ASIC2: variants seen among roughly 807,000 people sequenced by gnomAD.
ASIC2 encodes the protein acid sensing ion channel subunit 2.
A neutral mutation model predicts 57.3 loss-of-function variants in ASIC2; 25 were observed. That is an observed-to-expected ratio of 0.44 (90% CI 0.32 to 0.61). The LOEUF (loss-of-function observed/expected upper bound fraction) is 0.61. Ranked by LOEUF, ASIC2 falls within the 20% of genes least tolerant of loss-of-function variation. The probability of loss-of-function intolerance (pLI) is 0.06; values close to 1 mark genes in which losing one functional copy is unlikely to be tolerated. For synonymous variants in ASIC2, 319 were observed against 307.5 expected, an observed-to-expected ratio of 1.04 and a Z score of -0.39; for missense variants, 641 against 738.1, an observed-to-expected ratio of 0.87 and a Z score of 1.52.
chr17:33,506,904 C>T (rs997653839), intron 1 of ASIC2, among the ~76,000 whole-genome samples: 1 of 152,188 alleles, frequency 6.6e-6, no homozygotes. Context: ...GCCCAGCACA[C>T]CAGCTGGACT....
intron 1 of ASIC2, among the ~76,000 whole-genome samples, chr17:33,113,697 A>G (rs1415986196): frequency 6.6e-6 from 1 of 152,250 alleles, no homozygotes; most frequent in East Asian, 1.9e-4. Context: ...GAACTGTGCT[A>G]GATGCTTATC....
intron 1 of ASIC2, among the ~76,000 whole-genome samples, chr17:33,583,584 C>T (rs1049829744): frequency 2.0e-5 from 3 of 152,154 alleles, no homozygotes; most frequent in South Asian, 4.2e-4. Flanking sequence ...AGCATCAGGA[C>T]CCAAACTCCA....
intron 1 of ASIC2, among the ~76,000 whole-genome samples, chr17:33,545,122 C>G (rs1236506583): frequency 6.6e-6 from 1 of 152,148 alleles, no homozygotes; most frequent in African/African-American, 2.4e-5. Flanking sequence ...ATATTTGTTG[C>G]CTTAAAGATA....
intron 1 of ASIC2, among the ~76,000 whole-genome samples, chr17:33,216,546 C>T (rs1475160894): frequency 6.6e-6 from 1 of 152,158 alleles, no homozygotes; most frequent in Non-Finnish European, 1.5e-5. Context: ...GAAGCTGATC[C>T]AAGCAGGGTT....
intron 3 of ASIC2, among the ~76,000 whole-genome samples, chr17:33,029,199 G>T (rs754285678): frequency 6.6e-6 from 1 of 152,212 alleles, no homozygotes; most frequent in Non-Finnish European, 1.5e-5. Flanking sequence ...TAACAAAGGT[G>T]TTTGCCCATG....
At chr17:33,735,380 CATT>C (rs766977048) in intron 1 of ASIC2, among the ~76,000 whole-genome samples, 1 of 152,054 alleles carries the variant, frequency 6.6e-6, no homozygotes, top group Non-Finnish European at 1.5e-5. Flanking sequence ...TGGTACAGGC[CATT>C]AGGAAAGGTT....
At chr17:33,218,518 A>G (rs928470059) in intron 1 of ASIC2, among the ~76,000 whole-genome samples, 4 of 152,108 alleles carry the variant, frequency 2.6e-5, no homozygotes, top group Non-Finnish European at 4.4e-5. Context: ...AAGGACTGCA[A>G]TAGAGATGCA....
intron 1 of ASIC2, among the ~76,000 whole-genome samples, chr17:33,442,072 C>T (rs1439176001): frequency 6.6e-6 from 1 of 152,182 alleles, no homozygotes; most frequent in Non-Finnish European, 1.5e-5. Flanking sequence ...TAGTATTTGT[C>T]AAATATTAAT....
At position 33,231,561 on chromosome 17, in the gene ASIC2, G is replaced by C. The variant is rs12952455; in HGVS notation, c.708+59847C>G. ...CCCTGTCCCCAAGGCATTTGCTGAA[G>C]TCCCATCCCAGACTTGATGGGCCCT... On this transcript the variant is annotated intron_variant, in intron 1 of 9. Transcript: ENST00000225823. Among the ~76,000 whole-genome samples, 6 of 152,034 alleles carry C rather than the reference G, an allele frequency of 3.9e-5. No individual in the cohort carries two copies. The East Asian group carries it at 1.2e-3, about 30-fold the overall frequency.
chr17:33,464,555 TTTCTTTCTTTTCTCTC>T (rs1405808004), intron 1 of ASIC2, among the ~76,000 whole-genome samples: 43 of 121,168 alleles, frequency 3.5e-4, no homozygotes, highest in African/African-American at 1.4e-3. Context: ...TCTTTCTTTC[TTTCTTTCTTTTCTCTC>T]TTTCTCTCTT....
chr17:33,696,617 T>C (rs1908538141), intron 1 of ASIC2, among the ~76,000 whole-genome samples: 1 of 152,200 alleles, frequency 6.6e-6, no homozygotes, highest in Admixed American at 6.5e-5. Flanking sequence ...ATCAGTACAG[T>C]TGACTCTTGA....
At chr17:33,152,212 C>T (rs1597605808) in intron 1 of ASIC2, among the ~76,000 whole-genome samples, 2 of 152,104 alleles carry the variant, frequency 1.3e-5, no homozygotes, top group East Asian at 3.9e-4. Flanking sequence ...TTGCTCTTCC[C>T]ACTGCCCAGT....
At chr17:34,008,901 G>A (rs769337137) in intron 1 of ASIC2, among the ~76,000 whole-genome samples, 1 of 152,212 alleles carries the variant, frequency 6.6e-6, no homozygotes, top group Non-Finnish European at 1.5e-5. Context: ...TGGAAGTGGA[G>A]AGAACTGACA....
At chr17:33,418,310 T>G (rs1567854681) in intron 1 of ASIC2, among the ~76,000 whole-genome samples, 1 of 152,088 alleles carries the variant, frequency 6.6e-6, no homozygotes, top group Non-Finnish European at 1.5e-5. Context: ...CCACTTGAAG[T>G]GTGACATGCA....
intron 3 of ASIC2, among the ~76,000 whole-genome samples, chr17:33,034,730 C>T (rs2091901945): frequency 6.6e-6 from 1 of 152,150 alleles, no homozygotes; most frequent in Middle Eastern, 3.2e-3. Context: ...GCCCCCTTTT[C>T]TCCCTCTGGC....
chr17:33,636,293 C>A (rs960925879), intron 1 of ASIC2, among the ~76,000 whole-genome samples: 3 of 152,178 alleles, frequency 2.0e-5, no homozygotes, highest in South Asian at 4.2e-4. Context: ...ATAAGGATAT[C>A]CTGAGTTTGA....
intron 1 of ASIC2, among the ~76,000 whole-genome samples, chr17:33,645,670 C>T (rs1170661842): frequency 1.3e-5 from 2 of 152,114 alleles, no homozygotes; most frequent in African/African-American, 4.8e-5. Flanking sequence ...TGGTATCTGA[C>T]CTTTGCAGGC....
chr17:33,269,552 T>G (rs953087711), intron 1 of ASIC2, among the ~76,000 whole-genome samples: 3 of 152,168 alleles, frequency 2.0e-5, no homozygotes, highest in Admixed American at 2.0e-4. Flanking sequence ...GGAAGCCAGC[T>G]GTGTATTGAA....
At chr17:34,068,480 A>G (rs965790071) in intron 1 of ASIC2, among the ~76,000 whole-genome samples, 13 of 152,310 alleles carry the variant, frequency 8.5e-5, no homozygotes, top group Middle Eastern at 3.4e-3. Context: ...ATTGGCTTCT[A>G]GATGTCAAGA....
Sources: gnomAD v4.1 joint callset for allele counts (sites outside exome capture counted in the v4.1 genomes callset) on GRCh38, gnomAD v4.1.1 for gene constraint, MANE v1.5 for transcripts, NCBI Gene and HGNC (gene_info 2026-07-23, HGNC 2026-07-21) for gene names.